The following ATXN7L1 variants were observed in gnomAD, a reference collection of about 807,000 sequenced individuals.
ATXN7L1 encodes ataxin-7-like protein 1.
In ATXN7L1, 15 loss-of-function variants were observed where a neutral mutation model predicts 70.8. The ratio of observed to expected loss-of-function variants is 0.21; its 90% CI spans 0.14 to 0.33. The LOEUF (loss-of-function observed/expected upper bound fraction) is 0.33. Ranked by LOEUF, ATXN7L1 falls within the 10% of genes least tolerant of loss-of-function variation. The pLI, the probability that ATXN7L1 is intolerant of heterozygous loss-of-function variation, is 1.00. For synonymous variants in ATXN7L1, 440 were observed against 445.1 expected (o/e 0.99, Z 0.14); for missense variants, 975 against 1,097.1 (o/e 0.89, Z 1.57).
chr7:105,610,010 A>G (rs1053121028), intron 11 of ATXN7L1, among the ~76,000 whole-genome samples: 2 of 152,022 alleles, frequency 1.3e-5, no homozygotes, highest in Non-Finnish European at 2.9e-5. Context: ...TGACCTTGTG[A>G]TCTACCTGCC....
rs943516313 is a variant in ATXN7L1, at chr7:105,607,090, C to G, written c.*762G>C. Reference sequence around the variant, plus strand: ...GGGATCATCTCCTACCCACCATGCTCTGCTTGCTGCCACCTTCCCAAACCT... The same window carrying G: ...GGGATCATCTCCTACCCACCATGCTGTGCTTGCTGCCACCTTCCCAAACCT... On this transcript the variant is annotated 3_prime_UTR_variant, in exon 12 of 12. Coordinates refer to ENST00000419735, the MANE Select transcript of ATXN7L1 (RefSeq NM_020725.2). The G allele has an allele frequency of 6.5e-6, 1 of 152,900 alleles. No homozygotes were observed. Among genetic ancestry groups the G allele is most frequent in the African/African-American group, 2.4e-5 (1 of 41,468 alleles). The allele number at this position is 152,900 out of a possible 1,614,324, so 9.5% of individuals were successfully genotyped here. A position where few individuals can be genotyped will look rare whatever the true frequency, so the allele number is the denominator to read the frequency against.
intron 2 of ATXN7L1, among the ~76,000 whole-genome samples, chr7:105,803,525 T>C (rs1202958647): frequency 2.6e-5 from 4 of 152,188 alleles, no homozygotes; most frequent in Non-Finnish European, 4.4e-5. Context: ...GAGACCTCTC[T>C]GGGGCCCTAG....
rs1793623129 is a variant in ATXN7L1, at chr7:105,614,792, GCT to G, written c.1540_1541del (p.Ser514ProfsTer122). The G allele has an allele frequency of 6.4e-7, 1 of 1,550,808 alleles. No individual in the cohort carries two copies. Among genetic ancestry groups the G allele is most frequent in the Non-Finnish European group, 8.7e-7 (1 of 1,146,492 alleles). ...TGTGGGCTGCTGGCGAGGGCAGGGG[GCT>G]ATCTGCCGCAGGAGGGATCTTCCTA... ...MWKKIPPAAD[S>X]PLPSPAAHIT... On this transcript the variant is annotated frameshift_variant, in exon 10 of 12. Transcript: ENST00000419735. LOFTEE classifies it high-confidence loss of function. The surrounding 1 kb of genome is among the most constrained non-coding windows in gnomAD (Gnocchi z 4.3).
intron 2 of ATXN7L1, among the ~76,000 whole-genome samples, chr7:105,854,962 T>C (rs1435077321): frequency 2.0e-5 from 3 of 150,738 alleles, no homozygotes; most frequent in African/African-American, 7.3e-5. Flanking sequence ...CTTCTTCTTT[T>C]TTTTTTTTTT....
At chr7:105,806,348 C>G (rs965489762) in intron 2 of ATXN7L1, among the ~76,000 whole-genome samples, 4 of 152,130 alleles carry the variant, frequency 2.6e-5, no homozygotes, top group African/African-American at 9.7e-5. Context: ...CCAGTGAGCA[C>G]CCGTCCACTC....
At chr7:105,689,349 G>A (rs931977787) in intron 3 of ATXN7L1, among the ~76,000 whole-genome samples, 16 of 152,190 alleles carry the variant, frequency 1.1e-4, no homozygotes, top group East Asian at 3.8e-4. Flanking sequence ...GAGGGGCAAC[G>A]TGCTCTAGGA....
intron 2 of ATXN7L1, among the ~76,000 whole-genome samples, chr7:105,871,387 C>T (rs1307437057): frequency 3.9e-5 from 6 of 152,136 alleles, no homozygotes; most frequent in African/African-American, 7.2e-5. Flanking sequence ...GATCTAGCAA[C>T]GCCTTCTGAA....
intron 2 of ATXN7L1, among the ~76,000 whole-genome samples, chr7:105,801,471 T>C (rs1806806162): frequency 6.6e-6 from 1 of 152,220 alleles, no homozygotes; most frequent in African/African-American, 2.4e-5. Flanking sequence ...GCTCCTAAAC[T>C]TAGCCAATCA....
At chr7:105,707,961 T>C (rs1793386588) in intron 3 of ATXN7L1, among the ~76,000 whole-genome samples, 1 of 152,270 alleles carries the variant, frequency 6.6e-6, no homozygotes, top group South Asian at 2.1e-4. Flanking sequence ...TGTTCTGTTG[T>C]TTGCAACTTT....
intron 3 of ATXN7L1, among the ~76,000 whole-genome samples, chr7:105,684,871 C>T (rs846930): frequency 0.42 from 63,674 of 151,840 alleles, 13,728 homozygotes; most frequent in South Asian, 0.58. Flanking sequence ...AGGTGTCTCA[C>T]GTGGCCCACA....
At chr7:105,642,263 G>A (rs1367072482) in intron 5 of ATXN7L1, among the ~76,000 whole-genome samples, 2 of 152,116 alleles carry the variant, frequency 1.3e-5, no homozygotes, top group Non-Finnish European at 1.5e-5. Context: ...GCACCCTATC[G>A]GCACTGCCAG....
At chr7:105,806,426 A>G (rs1333055210) in intron 2 of ATXN7L1, among the ~76,000 whole-genome samples, 1 of 152,144 alleles carries the variant, frequency 6.6e-6, no homozygotes, top group East Asian at 1.9e-4. Flanking sequence ...CAGTTGTTTA[A>G]GCCACCCAGG....
chr7:105,838,632 A>G (rs1022500921), intron 2 of ATXN7L1, among the ~76,000 whole-genome samples: 13 of 152,326 alleles, frequency 8.5e-5, no homozygotes, highest in African/African-American at 3.1e-4. Context: ...GGATCAGCCC[A>G]GTATCCAACC....
chr7:105,750,593 G>A (rs984978412), intron 3 of ATXN7L1, among the ~76,000 whole-genome samples: 19 of 148,220 alleles, frequency 1.3e-4, no homozygotes, highest in Non-Finnish European at 2.9e-4. Context: ...CCTGAGGTCA[G>A]GCGTTCGAGA....
At chr7:105,725,633 T>G (rs1021780818) in intron 3 of ATXN7L1, among the ~76,000 whole-genome samples, 1 of 150,024 alleles carries the variant, frequency 6.7e-6, no homozygotes, top group Non-Finnish European at 1.5e-5. Context: ...CAGGCTAGAG[T>G]GCAGTGGCGC....
chr7:105,786,036 G>A (rs891852741), intron 3 of ATXN7L1, among the ~76,000 whole-genome samples: 1 of 152,196 alleles, frequency 6.6e-6, no homozygotes, highest in African/African-American at 2.4e-5. Context: ...AGCTACAATG[G>A]TTCTAACCTC....
intron 2 of ATXN7L1, among the ~76,000 whole-genome samples, chr7:105,801,124 T>C (rs1362759465): frequency 6.6e-6 from 1 of 152,206 alleles, no homozygotes; most frequent in African/African-American, 2.4e-5. Context: ...TGTCTGATAC[T>C]TGGGATGCTG....
At chr7:105,840,435 C>T (rs1289959461) in intron 2 of ATXN7L1, among the ~76,000 whole-genome samples, 1 of 152,198 alleles carries the variant, frequency 6.6e-6, no homozygotes, top group Non-Finnish European at 1.5e-5. Flanking sequence ...GGAAATGATG[C>T]CTGCCTGGGG....
chr7:105,858,201 A>G (rs1290706943), intron 2 of ATXN7L1, among the ~76,000 whole-genome samples: 1 of 152,214 alleles, frequency 6.6e-6, no homozygotes. Flanking sequence ...ACTGCACTTC[A>G]GCCTGGGCAA....
Sources: gnomAD v4.1 joint callset for allele counts (sites outside exome capture counted in the v4.1 genomes callset) on GRCh38, gnomAD v4.1.1 for gene constraint, Gnocchi (gnomAD v3.1) non-coding constraint, MANE v1.5 for transcripts, NCBI Gene and HGNC (gene_info 2026-07-23, HGNC 2026-07-21) for gene names.